Variants in TENM4 observed in about 807,000 individuals in gnomAD.
The protein encoded by TENM4 is teneurin transmembrane protein 4.
Under a neutral mutation model 243.3 loss-of-function variants are expected in TENM4, and 82 were observed. That is an observed-to-expected ratio of 0.34 (90% CI 0.28 to 0.40). The LOEUF is 0.40. Ranked by LOEUF, TENM4 falls within the 10% of genes least tolerant of loss-of-function variation. The pLI, the probability that TENM4 is intolerant of heterozygous loss-of-function variation, is 1.00. For missense variants in TENM4, 3,138 were observed against 3,673.3 expected (o/e 0.85, Z 3.77); for synonymous variants, 1,412 against 1,456.3 (o/e 0.97, Z 0.69).
chr11:78,670,555 G>C lies in TENM4; in HGVS notation c.5794-4C>G, dbSNP rs774662955. On this transcript the variant is annotated splice_region_variant and splice_polypyrimidine_tract_variant and intron_variant, in intron 31 of 33. Transcript: ENST00000278550. ...TGTGTAGTAGCAGCACCATGGACTG[G>C]AGGGAGAGGAAAACCAAGAGATGAG... 2 of 1,593,676 alleles carry C rather than the reference G, an allele frequency of 1.3e-6. No individual in the cohort carries two copies. The highest frequency in any genetic ancestry group is 2.7e-5 in the African/African-American group (2 of 74,528).
At chr11:78,951,709 A>C (rs913575893) in intron 6 of TENM4, among the ~76,000 whole-genome samples, 4 of 152,138 alleles carry the variant, frequency 2.6e-5, no homozygotes, top group Admixed American at 2.6e-4. Context: ...CACTGGTTCT[A>C]TCTGATCAGG....
intron 15 of TENM4, among the ~76,000 whole-genome samples, chr11:78,792,098 C>T (rs1178378223): frequency 6.6e-6 from 1 of 152,160 alleles, no homozygotes; most frequent in Non-Finnish European, 1.5e-5. Flanking sequence ...GTGGTGACAA[C>T]TGAAGAAAAT....
At chr11:79,352,554 C>T (rs1202704866) in intron 1 of TENM4, among the ~76,000 whole-genome samples, 1 of 152,190 alleles carries the variant, frequency 6.6e-6, no homozygotes, top group Admixed American at 6.5e-5. Flanking sequence ...TTGATTTGTG[C>T]CAGTTGCTGA....
intron 7 of TENM4, among the ~76,000 whole-genome samples, chr11:78,893,659 G>C (rs1855718258): frequency 6.6e-6 from 1 of 151,858 alleles, no homozygotes; most frequent in East Asian, 1.9e-4. Context: ...ATATCTTCAT[G>C]GAATATAACC....
chr11:79,000,021 G>C (rs773481202), intron 6 of TENM4, among the ~76,000 whole-genome samples: 1 of 152,130 alleles, frequency 6.6e-6, no homozygotes, highest in South Asian at 2.1e-4. Context: ...ATTGGTAAGA[G>C]AAAAATGACT....
intron 9 of TENM4, among the ~76,000 whole-genome samples, chr11:78,878,013 T>C (rs915456447): frequency 6.6e-6 from 1 of 152,220 alleles, no homozygotes; most frequent in Non-Finnish European, 1.5e-5. Flanking sequence ...CTGTGCCCCG[T>C]GCCGGCTATG....
intron 31 of TENM4, 66 bp from the exon 32 acceptor site, chr11:78,670,617 C>G (rs751973336): frequency 6.2e-6 from 9 of 1,456,078 alleles, no homozygotes; most frequent in Non-Finnish European, 7.4e-6. Flanking sequence ...GTCTACATAC[C>G]CGAGACTTAA....
chr11:79,294,483 T>C (rs1017238429), intron 2 of TENM4, among the ~76,000 whole-genome samples: 3 of 152,160 alleles, frequency 2.0e-5, no homozygotes, highest in African/African-American at 7.2e-5. Context: ...TAAGCAGGCT[T>C]GTGCAGGACA....
At chr11:78,871,665 T>A (rs141193913) in intron 9 of TENM4, among the ~76,000 whole-genome samples, 60 of 152,310 alleles carry the variant, frequency 3.9e-4, no homozygotes, top group African/African-American at 1.3e-3. Context: ...AGGACAGCCA[T>A]CCTCATTGCT....
At chr11:79,040,167 C>T (rs1429329785) in intron 6 of TENM4, among the ~76,000 whole-genome samples, 1 of 152,126 alleles carries the variant, frequency 6.6e-6, no homozygotes, top group Non-Finnish European at 1.5e-5. Flanking sequence ...AGTGCAGACC[C>T]GGTGCAAGGA....
At chr11:79,276,178 A>G (rs1482785098) in intron 2 of TENM4, among the ~76,000 whole-genome samples, 1 of 152,234 alleles carries the variant, frequency 6.6e-6, no homozygotes, top group Non-Finnish European at 1.5e-5. Flanking sequence ...ACCTCAGGCC[A>G]CTGGCCATTT....
intron 19 of TENM4, among the ~76,000 whole-genome samples, chr11:78,750,873 GTGTGTGTC>G (rs1440114460): frequency 5.3e-5 from 8 of 150,794 alleles, no homozygotes; most frequent in South Asian, 4.2e-4. Context: ...GTGTGTGTGT[GTGTGTGTC>G]TGTGTGTCTG....
intron 6 of TENM4, among the ~76,000 whole-genome samples, chr11:79,030,995 G>A (rs751052068): frequency 9.9e-5 from 15 of 152,156 alleles, no homozygotes; most frequent in African/African-American, 3.1e-4. Context: ...AAGGAGACAC[G>A]AAGGTGGATA....
chr11:79,174,240 G>C (rs1347722873), intron 3 of TENM4, among the ~76,000 whole-genome samples: 1 of 151,826 alleles, frequency 6.6e-6, no homozygotes, highest in Non-Finnish European at 1.5e-5. Context: ...CCAACACTCT[G>C]CTGGGAGGGG....
At chr11:79,095,573 G>A (rs779407261) in intron 4 of TENM4, among the ~76,000 whole-genome samples, 1 of 152,110 alleles carries the variant, frequency 6.6e-6, no homozygotes, top group Non-Finnish European at 1.5e-5. Context: ...CCGGCAACCT[G>A]CCAGGAGACC....
At chr11:79,418,893 C>G (rs545602161) in intron 1 of TENM4, among the ~76,000 whole-genome samples, 1 of 152,344 alleles carries the variant, frequency 6.6e-6, no homozygotes, top group East Asian at 1.9e-4. Context: ...ACACTCTTAA[C>G]AGACATTAGT....
At chr11:78,964,476 G>A (rs1434563638) in intron 6 of TENM4, among the ~76,000 whole-genome samples, 1 of 152,178 alleles carries the variant, frequency 6.6e-6, no homozygotes, top group Non-Finnish European at 1.5e-5. Flanking sequence ...AGAAATAAAT[G>A]ACCAAGGTAC....
Position 79,438,826 on chromosome 11 carries a change from C to G in TENM4, c.-321+1683G>C, listed in dbSNP as rs188287453. On this transcript the variant is annotated intron_variant, in intron 1 of 33. Coordinates refer to ENST00000278550, the MANE Select transcript of TENM4 (RefSeq NM_001098816.3). This position sits in a 1 kb window ranked among gnomAD's most constrained non-coding sequence, Gnocchi z 4.1. Reference sequence around the variant, plus strand: ...CTCTGCGATCAATTCCGGATGCCCCCACTTAGTCCCTGCCTCGGTAACCGG... The same window carrying G: ...CTCTGCGATCAATTCCGGATGCCCCGACTTAGTCCCTGCCTCGGTAACCGG... 14 of 152,380 alleles carry G rather than the reference C, an allele frequency of 9.2e-5. 1 individual carries two copies. Among genetic ancestry groups the G allele is most frequent in the Admixed American group, 6.5e-4 (10 of 15,304 alleles). 9.4% of individuals were successfully genotyped at this position (152,380 alleles called of 1,614,324 possible).
At chr11:78,909,014 C>A (rs1013339245) in intron 6 of TENM4, among the ~76,000 whole-genome samples, 6 of 152,170 alleles carry the variant, frequency 3.9e-5, no homozygotes, top group Non-Finnish European at 8.8e-5. Context: ...ATTCTGTCTC[C>A]TACTGGCTAC....
Sources: gnomAD v4.1 joint callset for allele counts (sites outside exome capture counted in the v4.1 genomes callset) on GRCh38, gnomAD v4.1.1 for gene constraint, Gnocchi (gnomAD v3.1) non-coding constraint, MANE v1.5 for transcripts, NCBI Gene and HGNC (gene_info 2026-07-23, HGNC 2026-07-21) for gene names.